Variants in PDCD11 observed in about 807,000 individuals in gnomAD.
PDCD11 encodes the protein programmed cell death 11.
PDCD11 carries 97 observed loss-of-function variants against 198.9 expected under a neutral mutation model. That is an observed-to-expected ratio of 0.49 (90% confidence interval 0.41 to 0.58). PDCD11 has a LOEUF of 0.58. Ranked by LOEUF, PDCD11 falls within the 20% of genes least tolerant of loss-of-function variation. The probability of loss-of-function intolerance (pLI) is 0.00; values close to 1 mark genes in which losing one functional copy is unlikely to be tolerated. For missense variants in PDCD11, 2,102 were observed against 2,312.7 expected, an observed-to-expected ratio of 0.91 and a Z score of 1.87; for synonymous variants, 893 against 918.0, an observed-to-expected ratio of 0.97 and a Z score of 0.49.
At chr10:103,438,471 C>T (rs367714661) in intron 26 of PDCD11, among the ~76,000 whole-genome samples, 4 of 152,234 alleles carry the variant, frequency 2.6e-5, no homozygotes, top group Non-Finnish European at 5.9e-5. Context: ...TGGCTTGGTC[C>T]GCCTCTCCCC....
chr10:103,407,455 C>T (rs1413081533), intron 7 of PDCD11, among the ~76,000 whole-genome samples: 1 of 151,918 alleles, frequency 6.6e-6, no homozygotes, highest in African/African-American at 2.4e-5. Flanking sequence ...CCCAGCTACT[C>T]GGGAGGCTGA....
intron 22 of PDCD11, among the ~76,000 whole-genome samples, chr10:103,433,340 C>G (rs2032013437): frequency 6.6e-6 from 1 of 151,994 alleles, no homozygotes; most frequent in Non-Finnish European, 1.5e-5. Flanking sequence ...ACTAAAAATA[C>G]AAAAATTTAG....
chr10:103,421,405 G>A lies in PDCD11; in HGVS notation c.2335G>A (p.Val779Ile), dbSNP rs777703199. 1.5e-5 allele frequency: 24 copies of A among 1,609,444 alleles called. No individual in the cohort carries two copies. Among genetic ancestry groups the A allele is most frequent in the Non-Finnish European group, 1.7e-5 (20 of 1,177,996 alleles). Residue 779 changes from valine to isoleucine, a missense_variant, in exon 17 of 36, where the codon GTA becomes ATA. Val to Ile is a conservative substitution (Grantham distance 29, BLOSUM62 3). Transcript: ENST00000369797. The stretch of plus-strand genomic sequence containing the variant: ...TGACCACTTTGTTGAGGGCCAGACA[G>A]TAGCGGCAAAGGTGACCAATGTGGA... ...TSDHFVEGQT[V>I]AAKVTNVDEE...
chr10:103,397,632 C>T (rs2093444027), intron 1 of PDCD11, among the ~76,000 whole-genome samples: 1 of 152,228 alleles, frequency 6.6e-6, no homozygotes, highest in Non-Finnish European at 1.5e-5. Flanking sequence ...CGGGGTTTCG[C>T]CATGTTGACT....
chr10:103,414,639 TAGTG>T (rs1401947503), intron 11 of PDCD11, among the ~76,000 whole-genome samples: 4 of 152,208 alleles, frequency 2.6e-5, no homozygotes, highest in Admixed American at 2.0e-4. Flanking sequence ...CCTGGGATAT[TAGTG>T]AGAAGCCAGT....
In PDCD11 at chr10:103,441,852, G is replaced by A. The variant is rs762065461; in HGVS notation, c.4584G>A (p.Ala1528=). The change falls in exon 31 of 36, where the codon GCG becomes GCA. Residue 1528 remains alanine, a synonymous_variant. Transcript: ENST00000369797. The part of the protein sequence containing the change: ...PKEKQTKPAE[A]PRLQLSSGFA... The stretch of plus-strand genomic sequence containing the variant: ...AGAAGCAAACCAAGCCAGCAGAAGC[G>A]CCCCGGCTGCAGCTGTCTTCAGGCT... The A allele has an allele frequency of 1.4e-5, 23 of 1,614,132 alleles. No individual in the cohort carries two copies. The highest frequency in any genetic ancestry group is 1.9e-5 in the Non-Finnish European group (23 of 1,179,980).
At position 103,438,041 on chromosome 10, in the gene PDCD11, A is replaced by G. The variant is rs1293193153; in HGVS notation, c.3872A>G (p.Asn1291Ser). The change falls in exon 26 of 36, where the codon AAC becomes AGC. Residue 1291 changes from asparagine to serine, a missense_variant. Asn to Ser is a conservative substitution (Grantham distance 46, BLOSUM62 1). Transcript: ENST00000369797. ...VRCYILSTAD[N>S]VLTLSLRSSR... ...TGTTACATCCTGTCCACTGCAGACA[A>G]CGTATTGACTTTGTCGCTGCGATCA... 1 of 1,613,740 alleles carries G rather than the reference A, an allele frequency of 6.2e-7. No individual in the cohort carries two copies. The highest frequency in any genetic ancestry group is 8.5e-7 in the Non-Finnish European group (1 of 1,179,656).
chr10:103,423,982 G>C (rs966874481), intron 19 of PDCD11, among the ~76,000 whole-genome samples: 4 of 152,174 alleles, frequency 2.6e-5, no homozygotes, highest in African/African-American at 9.7e-5. Context: ...CAGCCCCTGT[G>C]GGGCTGAGAC....
intron 24 of PDCD11, 43 bp downstream of exon 24, chr10:103,434,393 AG>A: frequency 7.8e-7 from 1 of 1,275,396 alleles, no homozygotes; most frequent in Non-Finnish European, 1.1e-6. Flanking sequence ...GGGGAGCGGC[AG>A]GAAGGGGTGG....
chr10:103,438,155 T>G, intron 26 of PDCD11, 84 bp downstream of exon 26: 1 of 1,158,090 alleles, frequency 8.6e-7, no homozygotes, highest in East Asian at 2.4e-5. Context: ...ACACAGAATT[T>G]TGGGCTTCCC....
chr10:103,401,445 A>G (rs897726540), intron 3 of PDCD11, among the ~76,000 whole-genome samples: 1 of 151,198 alleles, frequency 6.6e-6, no homozygotes, highest in South Asian at 2.1e-4. Flanking sequence ...TAATTTTTGT[A>G]TTTTTAATAG....
rs111421816 is a variant in PDCD11, at chr10:103,409,775, A to G, written c.947A>G (p.Lys316Arg). 1.9e-6 allele frequency: 3 copies of G among 1,613,966 alleles called. No homozygotes were observed. The highest frequency in any genetic ancestry group is 1.3e-5 in the African/African-American group (1 of 75,050). The change falls in exon 8 of 36, where the codon AAG becomes AGG. Residue 316 changes from lysine (K) to arginine (R), a missense_variant. Coordinates refer to ENST00000369797, the MANE Select transcript of PDCD11 (RefSeq NM_014976.2). ...GTTGACTTTATGCACCTGGATCCCAAGAAAGCTGGAACATATTTCTCAAAT... is the reference window on the plus strand; with the variant it reads ...GTTGACTTTATGCACCTGGATCCCAGGAAAGCTGGAACATATTTCTCAAAT... ...GVVDFMHLDP[K>R]KAGTYFSNQA...
At chr10:103,442,606 C>A in intron 32 of PDCD11, 146 bp downstream of exon 32, 1 of 792,132 alleles carries the variant, frequency 1.3e-6, no homozygotes, top group Non-Finnish European at 2.0e-6. Flanking sequence ...GGCTTTCTGC[C>A]ATAGCTGCGG....
intron 17 of PDCD11, among the ~76,000 whole-genome samples, chr10:103,422,565 A>G (rs146836268): frequency 2.4e-3 from 369 of 151,666 alleles, no homozygotes; most frequent in African/African-American, 7.8e-3. Flanking sequence ...TTCACCTTTC[A>G]TTCCTTTATT....
Position 103,433,151 on chromosome 10 carries a change from G to T in PDCD11, c.3475-797G>T, listed in dbSNP as rs187079297. 3.3e-5 allele frequency among the ~76,000 whole-genome samples: 5 copies of T among 152,188 alleles called. No individual in the cohort carries two copies. The East Asian group carries it at 7.7e-4, about 23-fold the overall frequency. On this transcript the variant is annotated intron_variant, in intron 22 of 35. Coordinates refer to ENST00000369797, the MANE Select transcript of PDCD11 (RefSeq NM_014976.2). ...TTTATTTATCATTATGATGCCATGTGCATAGTAGCTGCTCGATAAATGATT... is the reference window on the plus strand; with the variant it reads ...TTTATTTATCATTATGATGCCATGTTCATAGTAGCTGCTCGATAAATGATT...
At chr10:103,413,074 T>C (rs2030896769) in intron 8 of PDCD11, 42 bp from the exon 9 acceptor site, 2 of 1,534,502 alleles carry the variant, frequency 1.3e-6, no homozygotes, top group African/African-American at 2.7e-5. Context: ...AGGGTGCTCC[T>C]GTGTGCCTCC....
In PDCD11 at chr10:103,445,788, A is replaced by G. The variant is rs552900997; in HGVS notation, c.*239A>G. The G allele has an allele frequency of 2.8e-5, 13 of 457,246 alleles. No individual in the cohort carries two copies. The highest frequency in any genetic ancestry group is 4.8e-5 in the Non-Finnish European group (12 of 251,994). 28.3% of individuals were successfully genotyped at this position (457,246 alleles called of 1,614,324 possible). ...TTTCCTTATCTGAGGCTACCTGGGG[A>G]TTGTGGGCAGCAGGCCCCTGGACTC... On this transcript the variant is annotated 3_prime_UTR_variant, in exon 36 of 36. Coordinates refer to ENST00000369797, the MANE Select transcript of PDCD11 (RefSeq NM_014976.2).
rs2032057775 is a variant in PDCD11 at position 103,434,308 on chromosome 10, G to A, written c.3625G>A (p.Gly1209Ser). 6.2e-7 allele frequency: 1 copy of A among 1,613,544 alleles called. No individual in the cohort carries two copies. The highest frequency in any genetic ancestry group is 8.5e-7 in the Non-Finnish European group (1 of 1,179,534). The part of the protein sequence containing the change: ...VGQALRATVV[G>S]PDSSKTLLCL... ...CCAGGCCCTGAGGGCCACCGTTGTT[G>A]GCCCAGATTCCTCCAAGACCCTCTT... is the stretch of plus-strand genomic sequence containing the variant. Residue 1209 changes from glycine to serine, a missense_variant, in exon 24 of 36, where the codon GGC becomes AGC. By Grantham distance (56) the Gly-to-Ser change is moderately conservative. Coordinates refer to ENST00000369797, the MANE Select transcript of PDCD11 (RefSeq NM_014976.2).
intron 7 of PDCD11, 25 bp from the exon 8 acceptor site, chr10:103,409,674 T>A (rs2030674859): frequency 1.9e-6 from 3 of 1,567,200 alleles, no homozygotes; most frequent in Non-Finnish European, 1.8e-6. Flanking sequence ...AACTTTTTTT[T>A]ATAACTTGTT....
Sources: allele counts gnomAD v4.1 joint callset (sites outside exome capture counted in the v4.1 genomes callset), GRCh38; gene constraint gnomAD v4.1.1; transcripts MANE v1.5; gene names NCBI Gene and HGNC (gene_info 2026-07-23, HGNC 2026-07-21).